The following TSNAX variants were observed in gnomAD, a reference collection of about 807,000 sequenced individuals.
TSNAX encodes the protein translin associated factor X.
Under a neutral mutation model 33.0 loss-of-function variants are expected in TSNAX, and 12 were observed. The observed-to-expected ratio is 0.36, with a 90% CI of 0.23 to 0.59. TSNAX has a LOEUF of 0.59. Ranked by LOEUF, TSNAX falls within the 20% of genes least tolerant of loss-of-function variation. The probability of loss-of-function intolerance (pLI) is 0.74; values close to 1 mark genes in which losing one functional copy is unlikely to be tolerated. For missense variants in TSNAX, 267 were observed against 341.3 expected (o/e 0.78, Z 1.72); for synonymous variants, 110 against 117.2 (o/e 0.94, Z 0.40).
intron 3 of TSNAX, 44 bp downstream of exon 3, chr1:231,537,371 A>C (rs759789767): frequency 7.9e-7 from 1 of 1,259,118 alleles, no homozygotes; most frequent in East Asian, 2.4e-5. Flanking sequence ...GATACTAGCT[A>C]TTAGAATATT....
intron 4 of TSNAX, among the ~76,000 whole-genome samples, chr1:231,560,560 T>G (rs997293979): frequency 2.7e-5 from 4 of 150,304 alleles, no homozygotes; most frequent in Non-Finnish European, 4.4e-5. Flanking sequence ...GATTACGGGC[T>G]CCTGCCACCA....
intron 4 of TSNAX, among the ~76,000 whole-genome samples, chr1:231,554,467 G>C (rs1041986640): frequency 3.3e-5 from 5 of 152,172 alleles, no homozygotes; most frequent in African/African-American, 9.7e-5. Flanking sequence ...CCCACCCTCA[G>C]AGTTCTAGGG....
chr1:231,560,984 G>A (rs1661077529), intron 4 of TSNAX, 144 bp from the exon 5 acceptor site: 2 of 741,624 alleles, frequency 2.7e-6, no homozygotes, highest in African/African-American at 1.9e-5. Context: ...TCTATTCTAA[G>A]TGTCTAGTCT....
Position 231,550,466 on chromosome 1 carries a change from A to G in TSNAX, c.367+7855A>G, listed in dbSNP as rs1044755934. ...AGGGATATAAACAGATATTTCATGC[A>G]GAGCATATTCTCTCAGGCTGCGTTT... is the stretch of plus-strand genomic sequence containing the variant. On this transcript the variant is annotated intron_variant, in intron 4 of 5. Coordinates refer to ENST00000366639, the MANE Select transcript of TSNAX (RefSeq NM_005999.3). Among the ~76,000 whole-genome samples, 4 of 152,336 alleles carry G rather than the reference A, an allele frequency of 2.6e-5. No homozygotes were observed. The South Asian group carries it at 6.2e-4, about 24-fold the overall frequency.
At chr1:231,560,952 G>A (rs752312716) in intron 4 of TSNAX, among the ~76,000 whole-genome samples, 176 bp from the exon 5 acceptor site, 29 of 152,244 alleles carry the variant, frequency 1.9e-4, no homozygotes, top group Non-Finnish European at 2.2e-4. Context: ...GAGCCACCGC[G>A]CCTGGTCCCC....
intron 4 of TSNAX, among the ~76,000 whole-genome samples, chr1:231,560,562 C>G (rs1399049063): frequency 2.6e-5 from 4 of 151,250 alleles, no homozygotes; most frequent in African/African-American, 7.3e-5. Flanking sequence ...TTACGGGCTC[C>G]TGCCACCACA....
intron 4 of TSNAX, among the ~76,000 whole-genome samples, chr1:231,558,030 C>G (rs1660801765): frequency 6.6e-6 from 1 of 151,978 alleles, no homozygotes; most frequent in Admixed American, 6.6e-5. Flanking sequence ...GCAGAGCACC[C>G]AAGGAACTAA....
At chr1:231,530,601 C>T (rs1341091567) in intron 2 of TSNAX, among the ~76,000 whole-genome samples, 9 of 151,612 alleles carry the variant, frequency 5.9e-5, no homozygotes, top group Admixed American at 5.3e-4. Context: ...GTCCCCACTA[C>T]TTGGGAGGCT....
chr1:231,533,393 G>A (rs1427691762), intron 2 of TSNAX, among the ~76,000 whole-genome samples: 2 of 152,150 alleles, frequency 1.3e-5, no homozygotes, highest in Non-Finnish European at 1.5e-5. Flanking sequence ...GAGCCATCGC[G>A]CCCGGCCCGG....
At chr1:231,560,232 G>A (rs1005953980) in intron 4 of TSNAX, among the ~76,000 whole-genome samples, 4 of 151,816 alleles carry the variant, frequency 2.6e-5, no homozygotes, top group African/African-American at 4.8e-5. Context: ...ACCCGCCTGG[G>A]CCTCCCAAAG....
chr1:231,563,476 G>A (rs1189112805), intron 5 of TSNAX: 2 of 154,974 alleles, frequency 1.3e-5, no homozygotes, highest in African/African-American at 2.4e-5. Context: ...TGAGGAAACT[G>A]AGGTTTAGAG....
intron 1 of TSNAX, 35 bp from the exon 2 acceptor site, chr1:231,529,220 G>A: frequency 1.9e-6 from 3 of 1,602,136 alleles, no homozygotes; most frequent in Non-Finnish European, 2.6e-6. Context: ...TCTTGGTGAT[G>A]GAAGATCCCT....
chr1:231,532,186 A>ACACACACACACACACACAC, intron 2 of TSNAX, among the ~76,000 whole-genome samples: 1 of 115,952 alleles, frequency 8.6e-6, no homozygotes. Context: ...ACACACACAC[A>ACACACACACACACACACAC]GTTTTGGTTT....
intron 4 of TSNAX, among the ~76,000 whole-genome samples, chr1:231,545,350 G>A (rs755384552): frequency 6.6e-5 from 10 of 152,158 alleles, no homozygotes; most frequent in Non-Finnish European, 1.2e-4. Context: ...CTAATGGCAC[G>A]CAGAGCATTT....
At chr1:231,534,880 T>C (rs1014677942) in intron 2 of TSNAX, 4 of 152,164 alleles carry the variant, frequency 2.6e-5, no homozygotes, top group South Asian at 4.1e-4. Flanking sequence ...AATAATATAA[T>C]TTTAGCTAGC....
chr1:231,543,968 G>T (rs1659740778), intron 4 of TSNAX, among the ~76,000 whole-genome samples: 1 of 152,154 alleles, frequency 6.6e-6, no homozygotes, highest in Admixed American at 6.5e-5. Context: ...AAGTACTGGT[G>T]GGAAGAAGGG....
chr1:231,557,048 G>A (rs995809300), intron 4 of TSNAX, among the ~76,000 whole-genome samples: 2 of 152,164 alleles, frequency 1.3e-5, no homozygotes, highest in African/African-American at 4.8e-5. Flanking sequence ...AGAATAGATG[G>A]GGGGAGACCA....
At chr1:231,538,284 A>G (rs1227129635) in intron 3 of TSNAX, among the ~76,000 whole-genome samples, 2 of 152,254 alleles carry the variant, frequency 1.3e-5, no homozygotes, top group South Asian at 2.1e-4. Flanking sequence ...ATTATAAAAA[A>G]AGCCACTATC....
chr1:231,561,031 T>C, intron 4 of TSNAX, 97 bp from the exon 5 acceptor site: 1 of 1,267,920 alleles, frequency 7.9e-7, no homozygotes, highest in South Asian at 1.4e-5. Flanking sequence ...TTAAGCTTTT[T>C]TTTGAACTAG....
Sources: gnomAD v4.1 joint callset for allele counts (sites outside exome capture counted in the v4.1 genomes callset) on GRCh38, gnomAD v4.1.1 for gene constraint, MANE v1.5 for transcripts, NCBI Gene and HGNC (gene_info 2026-07-23, HGNC 2026-07-21) for gene names.